LPL: variants seen among roughly 807,000 people sequenced by gnomAD.
LPL encodes the protein phospholipase A1.
Under a neutral mutation model 52.2 loss-of-function variants are expected in LPL, and 43 were observed. The observed-to-expected ratio is 0.82, with a 90% confidence interval of 0.64 to 1.06. The LOEUF is 1.06. LPL is among the 50% of genes least tolerant of loss of function. LPL has a pLI of 0.00. For synonymous variants in LPL, 244 were observed against 215.6 expected (o/e 1.13, Z -1.15); for missense variants, 639 against 585.3 (o/e 1.09, Z -0.95).
At chr8:19,942,985 T>A (rs1405482490) in intron 1 of LPL, among the ~76,000 whole-genome samples, 1 of 152,190 alleles carries the variant, frequency 6.6e-6, no homozygotes, top group Admixed American at 6.5e-5. Flanking sequence ...AGTAGTGTGG[T>A]GATTTTGACT....
At chr8:19,959,153 G>A in intron 6 of LPL, 107 bp from the exon 7 acceptor site, 1 of 1,401,156 alleles carries the variant, frequency 7.1e-7, no homozygotes, top group Non-Finnish European at 1.0e-6. Flanking sequence ...TGCACTTCCG[G>A]TTTGAGTGCT....
In LPL at chr8:19,961,025, A is replaced by G. The variant is rs1281799804; in HGVS notation, c.1264A>G (p.Ser422Gly). Residue 422 changes from serine to glycine, a missense_variant, in exon 8 of 10, where the codon AGC becomes GGC. Transcript: ENST00000650287. ...DSYFSWSDWWSSPGFAIQKIR... is the reference protein window; with the variant it reads ...DSYFSWSDWWGSPGFAIQKIR... ...ATACTTTAGCTGGTCAGACTGGTGG[A>G]GCAGTCCCGGCTTCGCCATTCAGAA... is the stretch of plus-strand genomic sequence containing the variant. The G allele has an allele frequency of 6.2e-7, 1 of 1,614,058 alleles. No individual in the cohort carries two copies. Among genetic ancestry groups the G allele is most frequent in the African/African-American group, 1.3e-5 (1 of 74,916 alleles).
intron 6 of LPL, among the ~76,000 whole-genome samples, chr8:19,957,993 TTTA>T (rs1401355969): frequency 7.5e-5 from 3 of 39,890 alleles, no homozygotes; most frequent in Non-Finnish European, 1.5e-4. Flanking sequence ...AATTATTTTA[TTTA>T]TTTATTTATT....
chr8:19,941,131 C>A (rs1202605710), intron 1 of LPL, among the ~76,000 whole-genome samples: 4 of 152,118 alleles, frequency 2.6e-5, no homozygotes, highest in Non-Finnish European at 4.4e-5. Flanking sequence ...AGTATAGATT[C>A]CATCAAAGCA....
chr8:19,945,283 T>C (rs1217380015), intron 1 of LPL, among the ~76,000 whole-genome samples: 1 of 152,076 alleles, frequency 6.6e-6, no homozygotes, highest in Non-Finnish European at 1.5e-5. Context: ...TTGGGAAGCA[T>C]ATTCATCTTA....
Position 19,966,111 on chromosome 8 carries a change from T to C in LPL, c.*801T>C, listed in dbSNP as rs1463271892. On this transcript the variant is annotated 3_prime_UTR_variant, in exon 10 of 10. Coordinates refer to ENST00000650287, the MANE Select transcript of LPL (RefSeq NM_000237.3). ...CTGTAATCCTCAGCTGACACATAATTTGAATGGTGCAGAAAAAAAAAAAGA... is the reference window on the plus strand; with the variant it reads ...CTGTAATCCTCAGCTGACACATAATCTGAATGGTGCAGAAAAAAAAAAAGA... 1 of 152,006 alleles carries C rather than the reference T, an allele frequency of 6.6e-6. No homozygotes were observed. The highest frequency in any genetic ancestry group is 1.5e-5 in the Non-Finnish European group (1 of 67,978). 9.4% of individuals were successfully genotyped at this position (152,006 alleles called of 1,614,324 possible). A position where few individuals can be genotyped will look rare whatever the true frequency, so the allele number is the denominator to read the frequency against.
At chr8:19,952,006 A>C in intron 3 of LPL, 58 bp downstream of exon 3, 1 of 1,583,628 alleles carries the variant, frequency 6.3e-7, no homozygotes, top group African/African-American at 1.3e-5. Flanking sequence ...CTGGAGCCAG[A>C]AAACCGGCTG....
chr8:19,963,304 C>T (rs1480786404), intron 9 of LPL, among the ~76,000 whole-genome samples: 1 of 152,054 alleles, frequency 6.6e-6, no homozygotes, highest in Non-Finnish European at 1.5e-5. Context: ...GGTGTGGCGG[C>T]ACATGCCTGT....
intron 1 of LPL, among the ~76,000 whole-genome samples, chr8:19,940,794 A>G (rs1025289397): frequency 2.0e-4 from 30 of 152,218 alleles, no homozygotes; most frequent in African/African-American, 7.0e-4. Flanking sequence ...TTGTTAGGTT[A>G]AAAAACAAAA....
intron 3 of LPL, among the ~76,000 whole-genome samples, chr8:19,952,590 AC>A (rs2069945366): frequency 6.6e-6 from 1 of 152,204 alleles, no homozygotes; most frequent in African/African-American, 2.4e-5. Flanking sequence ...AATTATTTTA[AC>A]CAGGTAATTG....
chr8:19,939,382 T>A lies in LPL; in HGVS notation c.-59T>A. The A allele has an allele frequency of 6.5e-7, 1 of 1,528,236 alleles. No homozygotes were observed. The highest frequency in any genetic ancestry group is 1.9e-5 in the Admixed American group (1 of 51,370). The allele number at this position is 1,528,236 out of a possible 1,614,324, so 94.7% of individuals were successfully genotyped here. On this transcript the variant is annotated 5_prime_UTR_variant, in exon 1 of 10. Transcript: ENST00000650287. The surrounding 1 kb of genome is among the most constrained non-coding windows in gnomAD (Gnocchi z 4.0). ...GCTCCAGCCCTCTCCAGCCTCCGGC[T>A]CAGCCGGCTCATCAGTCGGTCCGCG...
Position 19,962,099 on chromosome 8 carries a change from C to A in LPL, c.1323-16C>A. On this transcript the variant is annotated splice_polypyrimidine_tract_variant and intron_variant, in intron 8 of 9. Transcript: ENST00000650287. ...ATTGTTCTACATGGCATATTCACAT[C>A]CATTTTCTTCCACAGGGTGATCTTC... 6.4e-7 allele frequency: 1 copy of A among 1,550,756 alleles called. No individual in the cohort carries two copies. The highest frequency in any genetic ancestry group is 8.9e-7 in the Non-Finnish European group (1 of 1,122,330).
At chr8:19,962,277 A>G in intron 9 of LPL, 58 bp downstream of exon 9, 1 of 1,271,370 alleles carries the variant, frequency 7.9e-7, no homozygotes, top group Non-Finnish European at 1.2e-6. Context: ...TAAGGGAGGC[A>G]GCTTCATGCA....
In LPL at chr8:19,944,255, C is replaced by T. The variant is rs554824447; in HGVS notation, c.89-3925C>T. ...TTAGAGAAGTCAAGAGCATTACTTA[C>T]GTTAGAATATCTGAACAGACCAATC... On this transcript the variant is annotated intron_variant, in intron 1 of 9. Coordinates refer to ENST00000650287, the MANE Select transcript of LPL (RefSeq NM_000237.3). This position sits in a 1 kb window ranked among gnomAD's most constrained non-coding sequence, Gnocchi z 4.2. 2.6e-5 allele frequency among the ~76,000 whole-genome samples: 4 copies of T among 152,150 alleles called. No individual in the cohort carries two copies. Among genetic ancestry groups the T allele is most frequent in the Admixed American group, 6.5e-5 (1 of 15,286 alleles).
In LPL at chr8:19,944,824, A is replaced by C. The variant is rs1002827826; in HGVS notation, c.89-3356A>C. Among the ~76,000 whole-genome samples the C allele has an allele frequency of 1.3e-4, 20 of 152,254 alleles. No individual in the cohort carries two copies. Among genetic ancestry groups the C allele is most frequent in the Non-Finnish European group, 7.3e-5 (5 of 68,050 alleles). On this transcript the variant is annotated intron_variant, in intron 1 of 9. Transcript: ENST00000650287. This position sits in a 1 kb window ranked among gnomAD's most constrained non-coding sequence, Gnocchi z 4.2. ...GGAATAAAGATTCCATAGTCAGGAA[A>C]GGCACAATTTATAACTTGCGTGTTA...
rs2069813146 is a variant in LPL, at chr8:19,939,633, GC to G, written c.88+108del. ...GGAAGTTGGAAGGGGCGGTGGATGC[GC>G]CCAGGGACTCTCCCAGCCTGGGCTC... On this transcript the variant is annotated intron_variant, in intron 1 of 9. Transcript: ENST00000650287. This position sits in a 1 kb window ranked among gnomAD's most constrained non-coding sequence, Gnocchi z 4.0. 3.4e-6 allele frequency: 4 copies of G among 1,179,032 alleles called. No individual in the cohort carries two copies. Among genetic ancestry groups the G allele is most frequent in the Non-Finnish European group, 4.8e-6 (4 of 826,046 alleles). The allele number at this position is 1,179,032 out of a possible 1,614,324, so 73.0% of individuals were successfully genotyped here. A position where few individuals can be genotyped will look rare whatever the true frequency, so the allele number is the denominator to read the frequency against.
At chr8:19,957,085 T>C (rs2069992336) in intron 6 of LPL, among the ~76,000 whole-genome samples, 2 of 152,180 alleles carry the variant, frequency 1.3e-5, no homozygotes, top group Non-Finnish European at 2.9e-5. Flanking sequence ...TGGCCTCATC[T>C]GTCTTTTTAA....
intron 9 of LPL, among the ~76,000 whole-genome samples, chr8:19,964,672 G>A (rs2070070004): frequency 6.6e-6 from 1 of 152,044 alleles, no homozygotes; most frequent in South Asian, 2.1e-4. Context: ...GGGATTATAG[G>A]TGCCCGTTAC....
chr8:19,943,400 C>T (rs563142176), intron 1 of LPL, among the ~76,000 whole-genome samples: 1 of 152,170 alleles, frequency 6.6e-6, no homozygotes, highest in Non-Finnish European at 1.5e-5. Context: ...GAATTAATTA[C>T]GGTGAAAAAC....
Sources: allele counts gnomAD v4.1 joint callset (sites outside exome capture counted in the v4.1 genomes callset), GRCh38; gene constraint gnomAD v4.1.1; non-coding constraint Gnocchi (gnomAD v3.1); transcripts MANE v1.5; gene names NCBI Gene and HGNC (gene_info 2026-07-23, HGNC 2026-07-21).